The following PDE11A variants were observed in gnomAD, a reference collection of about 807,000 sequenced individuals.
The protein encoded by PDE11A is dual 3',5'-cyclic-AMP and -GMP phosphodiesterase 11A.
Under a neutral mutation model 100.5 loss-of-function variants are expected in PDE11A, and 100 were observed. The ratio of observed to expected loss-of-function variants is 1.00; its 90% CI spans 0.85 to 1.18. PDE11A has a LOEUF of 1.18. PDE11A is among the 50% of genes most tolerant of loss of function. The probability of loss-of-function intolerance (pLI) is 0.00; values close to 1 mark genes in which losing one functional copy is unlikely to be tolerated. For missense variants in PDE11A, 1,141 were observed against 1,152.6 expected, an observed-to-expected ratio of 0.99 and a Z score of 0.15; for synonymous variants, 381 against 420.8, an observed-to-expected ratio of 0.91 and a Z score of 1.16.
At chr2:177,666,268 A>G (rs1371380774) in intron 18 of PDE11A, among the ~76,000 whole-genome samples, 1 of 152,240 alleles carries the variant, frequency 6.6e-6, no homozygotes, top group Non-Finnish European at 1.5e-5. Flanking sequence ...ATTGCCAAAT[A>G]ATATTTCATT....
intron 5 of PDE11A, among the ~76,000 whole-genome samples, chr2:177,843,919 A>G (rs147622738): frequency 2.1e-3 from 326 of 152,330 alleles, no homozygotes; most frequent in Non-Finnish European, 3.8e-3. Flanking sequence ...AGGTGTTGTA[A>G]TCTAGCTAAG....
intron 2 of PDE11A, among the ~76,000 whole-genome samples, chr2:177,913,257 A>G (rs930680933): frequency 2.0e-5 from 3 of 152,186 alleles, no homozygotes; most frequent in Admixed American, 6.5e-5. Flanking sequence ...AACATCCTAG[A>G]AATTAAATCT....
intron 2 of PDE11A, among the ~76,000 whole-genome samples, chr2:178,007,835 G>C (rs963361713): frequency 6.6e-6 from 1 of 152,060 alleles, no homozygotes; most frequent in Non-Finnish European, 1.5e-5. Context: ...CTCCCAAGTA[G>C]CTGGGATTAC....
rs756929828 is a variant in PDE11A at position 177,875,904 on chromosome 2, G to A, written c.1322C>T (p.Ser441Phe). 6.2e-7 allele frequency: 1 copy of A among 1,611,236 alleles called. No individual in the cohort carries two copies. The highest frequency in any genetic ancestry group is 8.5e-7 in the Non-Finnish European group (1 of 1,177,418). The change falls in exon 5 of 20, where the codon TCC becomes TTC. Residue 441 changes from serine to phenylalanine, a missense_variant. Ser to Phe is a radical substitution (Grantham distance 155). Transcript: ENST00000286063. ...IESPVVKFTK[S>F]FELMSPKCSA... ...GCACTTTGGGGACATCAATTCAAAG[G>A]ATTTGGTAAATTTCACCACCTGTCG...
chr2:178,054,086 C>G (rs988255706), intron 1 of PDE11A, among the ~76,000 whole-genome samples: 1 of 151,686 alleles, frequency 6.6e-6, no homozygotes, highest in Non-Finnish European at 1.5e-5. Context: ...AAGCTGGAGG[C>G]GTCGCGCTAC....
At chr2:177,907,705 G>A (rs2084812417) in intron 2 of PDE11A, among the ~76,000 whole-genome samples, 1 of 152,168 alleles carries the variant, frequency 6.6e-6, no homozygotes, top group Non-Finnish European at 1.5e-5. Flanking sequence ...TCCTTTCAGA[G>A]CAAAGAACAG....
intron 2 of PDE11A, among the ~76,000 whole-genome samples, chr2:177,923,238 A>G (rs2085078239): frequency 6.6e-6 from 1 of 151,994 alleles, no homozygotes; most frequent in African/African-American, 2.4e-5. Context: ...GTGCAGTGGC[A>G]CAGTCACAGT....
intron 1 of PDE11A, among the ~76,000 whole-genome samples, chr2:178,044,741 T>C (rs555526563): frequency 3.3e-5 from 5 of 152,296 alleles, no homozygotes; most frequent in African/African-American, 9.6e-5. Context: ...TGGTGAAGCA[T>C]TTTATAAATC....
At chr2:178,100,313 T>C (rs548209133) in intron 2 of PDE11A, among the ~76,000 whole-genome samples, 2 of 152,346 alleles carry the variant, frequency 1.3e-5, no homozygotes, top group South Asian at 4.1e-4. Context: ...AACTATATTC[T>C]ATACAAGTCA....
intron 4 of PDE11A, among the ~76,000 whole-genome samples, chr2:177,885,201 A>AATGT (rs1553486004): frequency 6.7e-6 from 1 of 149,304 alleles, no homozygotes; most frequent in Non-Finnish European, 1.5e-5. Context: ...TAATGATGTG[A>AATGT]GTGTGTGTGT....
At chr2:177,797,107 A>C (rs1220434853) in intron 9 of PDE11A, 1 of 152,234 alleles carries the variant, frequency 6.6e-6, no homozygotes, top group Non-Finnish European at 1.5e-5. Context: ...AATTACTGTC[A>C]TCACAGTCTC....
chr2:178,061,788 A>T (rs2086972699), intron 1 of PDE11A, among the ~76,000 whole-genome samples: 1 of 152,236 alleles, frequency 6.6e-6, no homozygotes. Context: ...ATATTGCTAT[A>T]TTGCTACCTA....
chr2:177,682,825 G>A (rs1317340338), intron 15 of PDE11A, among the ~76,000 whole-genome samples: 10 of 152,158 alleles, frequency 6.6e-5, no homozygotes, highest in Admixed American at 1.3e-4. Flanking sequence ...AAATATGGAC[G>A]TAGAAAAGCC....
chr2:177,824,242 A>T (rs546174313), intron 6 of PDE11A, among the ~76,000 whole-genome samples: 16 of 152,208 alleles, frequency 1.1e-4, no homozygotes, highest in Non-Finnish European at 2.1e-4. Flanking sequence ...ACGAACTCCA[A>T]ATGGACACAC....
chr2:178,085,906 TCAAA>T (rs1050508729), intron 2 of PDE11A, among the ~76,000 whole-genome samples: 5 of 152,138 alleles, frequency 3.3e-5, no homozygotes, highest in Admixed American at 1.3e-4. Flanking sequence ...AGAACAAAAA[TCAAA>T]CAGATTTTCG....
intron 19 of PDE11A, among the ~76,000 whole-genome samples, chr2:177,661,311 A>T (rs557258081): frequency 4.5e-4 from 69 of 151,840 alleles, no homozygotes; most frequent in Non-Finnish European, 8.2e-4. Context: ...ATCCTCTCAG[A>T]CTCCTTATGA....
At chr2:177,995,953 G>A (rs187766814) in intron 2 of PDE11A, among the ~76,000 whole-genome samples, 201 of 152,264 alleles carry the variant, frequency 1.3e-3, no homozygotes, top group African/African-American at 4.6e-3. Flanking sequence ...CTAGCTGGGC[G>A]CGGTGGCTCA....
At chr2:177,629,641 T>C (rs1559116059) in intron 19 of PDE11A, 79 bp from the exon 20 acceptor site, 2 of 1,421,084 alleles carry the variant, frequency 1.4e-6, no homozygotes, top group Non-Finnish European at 9.9e-7. Flanking sequence ...CTTTCACTTA[T>C]GAGGAGAATG....
intron 9 of PDE11A, among the ~76,000 whole-genome samples, chr2:177,812,163 T>A (rs1005543258): frequency 8.6e-5 from 13 of 151,266 alleles, no homozygotes; most frequent in East Asian, 1.9e-4. Context: ...GGCTTGAAAA[T>A]TTTTTTTTAA....
Sources: allele counts gnomAD v4.1 joint callset (sites outside exome capture counted in the v4.1 genomes callset), GRCh38; gene constraint gnomAD v4.1.1; transcripts MANE v1.5; gene names NCBI Gene and HGNC (gene_info 2026-07-23, HGNC 2026-07-21).